The following ZFAT variants were observed in gnomAD, a reference collection of about 807,000 sequenced individuals.
ZFAT encodes the protein zinc finger protein ZFAT.
In ZFAT, 64 loss-of-function variants were observed where a neutral mutation model predicts 117.7. That is an observed-to-expected ratio of 0.54 (90% confidence interval 0.44 to 0.67). The LOEUF (loss-of-function observed/expected upper bound fraction) is 0.67, where lower values mean the gene tolerates loss of function less well. Ranked by LOEUF, ZFAT falls within the 30% of genes least tolerant of loss-of-function variation. The pLI is 0.00. For synonymous variants in ZFAT, 679 were observed against 615.0 expected (o/e 1.10, Z -1.54); for missense variants, 1,433 against 1,584.5 (o/e 0.90, Z 1.62).
chr8:134,567,626 A>G (rs1170354887), intron 10 of ZFAT, among the ~76,000 whole-genome samples: 1 of 152,114 alleles, frequency 6.6e-6, no homozygotes, highest in East Asian at 1.9e-4. Context: ...CTTCAGAGCA[A>G]AGTTGACGTT....
At chr8:134,516,729 T>C (rs971069017) in intron 13 of ZFAT, among the ~76,000 whole-genome samples, 5 of 152,088 alleles carry the variant, frequency 3.3e-5, no homozygotes, top group Non-Finnish European at 7.4e-5. Flanking sequence ...ACTTGGAAGA[T>C]AGTAGATAGG....
At chr8:134,545,134 T>C (rs1822592781) in intron 11 of ZFAT, among the ~76,000 whole-genome samples, 1 of 152,214 alleles carries the variant, frequency 6.6e-6, no homozygotes. Context: ...GTATATGTAC[T>C]GCAAAGAAAC....
At chr8:134,600,982 C>T (rs995891637) in intron 6 of ZFAT, among the ~76,000 whole-genome samples, 7 of 152,118 alleles carry the variant, frequency 4.6e-5, no homozygotes, top group East Asian at 1.9e-4. Context: ...TAAGTTCTAC[C>T]GGCCCTCCTG....
At chr8:134,644,130 G>A (rs1166142496) in intron 2 of ZFAT, among the ~76,000 whole-genome samples, 1 of 152,156 alleles carries the variant, frequency 6.6e-6, no homozygotes, top group Non-Finnish European at 1.5e-5. Flanking sequence ...CTGCCTTTTT[G>A]CCTATTTGCC....
chr8:134,770,873 C>T, the ZFAT span, among the ~76,000 whole-genome samples: 1 of 152,130 alleles, frequency 6.6e-6, no homozygotes, highest in East Asian at 1.9e-4. Context: ...CTTCAGTCTC[C>T]CATAGCACTC....
chr8:134,666,654 C>A (rs1001789430), intron 1 of ZFAT, among the ~76,000 whole-genome samples: 1 of 152,036 alleles, frequency 6.6e-6, no homozygotes, highest in Non-Finnish European at 1.5e-5. Flanking sequence ...CAGAAAAATA[C>A]AGCAAGAACA....
intron 15 of ZFAT, among the ~76,000 whole-genome samples, 183 bp downstream of exon 15, chr8:134,509,436 T>C (rs1819648509): frequency 6.6e-6 from 1 of 151,896 alleles, no homozygotes; most frequent in South Asian, 2.1e-4. Context: ...ACCTCCCACA[T>C]ATAGAGCTAT....
intron 11 of ZFAT, among the ~76,000 whole-genome samples, chr8:134,539,356 T>C (rs980216364): frequency 6.6e-6 from 1 of 152,178 alleles, no homozygotes; most frequent in Non-Finnish European, 1.5e-5. Flanking sequence ...TCAGGTAATG[T>C]TTTTGCAGTC....
chr8:134,711,559 T>C lies in ZFAT; in HGVS notation c.19+1286A>G, dbSNP rs1176242537. ...TTTACCTGAGGGCGGGAGGCAGAGG[T>C]TGCAGTGACCCGAGATTGCACCATT... On this transcript the variant is annotated intron_variant, in intron 1 of 15. Transcript: ENST00000377838. 2.6e-5 allele frequency among the ~76,000 whole-genome samples: 4 copies of C among 152,078 alleles called. No individual in the cohort carries two copies. The East Asian group carries it at 5.8e-4, about 22-fold the overall frequency.
At chr8:134,740,761 C>T in the ZFAT span, among the ~76,000 whole-genome samples, 1 of 152,190 alleles carries the variant, frequency 6.6e-6, no homozygotes, top group African/African-American at 2.4e-5. Context: ...TCATGTGCTT[C>T]TCCCTCAGCA....
chr8:134,635,439 G>A (rs903341027), intron 3 of ZFAT, among the ~76,000 whole-genome samples: 1 of 152,184 alleles, frequency 6.6e-6, no homozygotes, highest in Admixed American at 6.5e-5. Flanking sequence ...AGGGATTCTC[G>A]AGAAGACAGC....
chr8:134,809,483 G>A, the ZFAT span, among the ~76,000 whole-genome samples: 1 of 152,112 alleles, frequency 6.6e-6, no homozygotes, highest in Non-Finnish European at 1.5e-5. Flanking sequence ...GGACTGTGAG[G>A]GTTCCTTGGA....
intron 5 of ZFAT, among the ~76,000 whole-genome samples, chr8:134,606,257 A>C (rs1268826445): frequency 6.6e-6 from 1 of 152,228 alleles, no homozygotes; most frequent in East Asian, 1.9e-4. Flanking sequence ...AAAGCCTAAA[A>C]GGGTAACAAT....
At chr8:134,808,002 T>A in the ZFAT span, among the ~76,000 whole-genome samples, 6 of 152,218 alleles carry the variant, frequency 3.9e-5, no homozygotes, top group African/African-American at 1.4e-4. Flanking sequence ...AGCTTCAAAG[T>A]GTTTTTATAC....
chr8:134,800,583 A>T, the ZFAT span: 1 of 515,036 alleles, frequency 1.9e-6, no homozygotes, highest in Non-Finnish European at 4.0e-6. Context: ...TGAGTGTAGG[A>T]TGTTTACATG....
chr8:134,556,035 G>GGAAT (rs762046388), intron 11 of ZFAT, among the ~76,000 whole-genome samples: 1 of 61,276 alleles, frequency 1.6e-5, no homozygotes, highest in Non-Finnish European at 3.2e-5. Flanking sequence ...AGGGAGAGAA[G>GGAAT]GAAGGAAGGA....
At chr8:134,618,147 G>A (rs139572849) in intron 3 of ZFAT, among the ~76,000 whole-genome samples, 14 of 151,946 alleles carry the variant, frequency 9.2e-5, no homozygotes, top group South Asian at 2.1e-4. Flanking sequence ...TCCCAGTCTC[G>A]GGAAGAAAAA....
chr8:134,786,700 T>C, the ZFAT span, among the ~76,000 whole-genome samples: 1 of 152,274 alleles, frequency 6.6e-6, no homozygotes, highest in South Asian at 2.1e-4. Flanking sequence ...TTGAGACTTA[T>C]TTACTAATAC....
At chr8:134,712,815 C>CG in intron 1 of ZFAT, 30 bp downstream of exon 1, 17 of 1,128,060 alleles carry the variant, frequency 1.5e-5, no homozygotes, top group Non-Finnish European at 1.9e-5. Context: ...ACCCCCACCC[C>CG]GTCTCACCCC....
Sources: allele counts gnomAD v4.1 joint callset (sites outside exome capture counted in the v4.1 genomes callset), GRCh38; gene constraint gnomAD v4.1.1; transcripts MANE v1.5; gene names NCBI Gene and HGNC (gene_info 2026-07-23, HGNC 2026-07-21).